Variants in MALT1 observed in about 807,000 individuals in gnomAD.
MALT1 encodes mucosa-associated lymphoid tissue lymphoma translocation protein 1.
In MALT1, 36 loss-of-function variants were observed where a neutral mutation model predicts 85.5. The ratio of observed to expected loss-of-function variants is 0.42; its 90% CI spans 0.32 to 0.56. MALT1 has a LOEUF of 0.56. Among genes scored for constraint, MALT1 ranks in the 20% least tolerant of loss-of-function variants. The pLI, the probability that MALT1 is intolerant of heterozygous loss-of-function variation, is 0.10. For missense variants in MALT1, 716 were observed against 981.6 expected, an observed-to-expected ratio of 0.73 and a Z score of 3.62; for synonymous variants, 359 against 361.3, an observed-to-expected ratio of 0.99 and a Z score of 0.07.
At chr18:58,706,033 T>C (rs375098185) in intron 4 of MALT1, among the ~76,000 whole-genome samples, 4 of 152,332 alleles carry the variant, frequency 2.6e-5, no homozygotes, top group African/African-American at 9.6e-5. Context: ...TCGCCCAGGC[T>C]GGAGTGCAGT....
intron 10 of MALT1, among the ~76,000 whole-genome samples, chr18:58,727,796 C>CT (rs1465717899): frequency 3.9e-5 from 6 of 152,152 alleles, no homozygotes; most frequent in Admixed American, 3.9e-4. Flanking sequence ...CGAGGCTGGC[C>CT]TGCATCTGTA....
At chr18:58,708,212 G>A (rs1359021063) in intron 4 of MALT1, among the ~76,000 whole-genome samples, 1 of 152,196 alleles carries the variant, frequency 6.6e-6, no homozygotes, top group East Asian at 1.9e-4. Flanking sequence ...TGATCTTTTA[G>A]CTCTCCTCTC....
Position 58,752,878 on chromosome 18 carries a change from T to A in MALT1, c.*5036T>A, listed in dbSNP as rs1157926642. ...TGTGCATATTCTCTTTTTTTCTAAT[T>A]TGGTAGCATTAAAAATACTTAAGCA... On this transcript the variant is annotated 3_prime_UTR_variant, in exon 17 of 17. Coordinates refer to ENST00000649217, the MANE Select transcript of MALT1 (RefSeq NM_006785.4). 6.6e-6 allele frequency: 1 copy of A among 152,212 alleles called. No homozygotes were observed. Among genetic ancestry groups the A allele is most frequent in the Non-Finnish European group, 1.5e-5 (1 of 68,042 alleles). The allele number at this position is 152,212 out of a possible 1,614,324, so 9.4% of individuals were successfully genotyped here. A position where few individuals can be genotyped will look rare whatever the true frequency, so the allele number is the denominator to read the frequency against.
rs2055435233 is a variant in MALT1 at position 58,750,716 on chromosome 18, A to G, written c.*2874A>G. On this transcript the variant is annotated 3_prime_UTR_variant, in exon 17 of 17. Transcript: ENST00000649217. ...AAAAGGATCCCTACCTTCCTACCAC[A>G]TTACAAATTCTAACTCAAAATGGAT... 6.6e-6 allele frequency: 1 copy of G among 152,240 alleles called. No homozygotes were observed. Among genetic ancestry groups the G allele is most frequent in the Non-Finnish European group, 1.5e-5 (1 of 68,044 alleles). 9.4% of individuals were successfully genotyped at this position (152,240 alleles called of 1,614,324 possible). A position where few individuals can be genotyped will look rare whatever the true frequency, so the allele number is the denominator to read the frequency against.
Position 58,671,640 on chromosome 18 carries a change from G to C in MALT1, c.-4G>C. The C allele has an allele frequency of 5.8e-6, 7 of 1,215,448 alleles. No individual in the cohort carries two copies. Among genetic ancestry groups the C allele is most frequent in the Non-Finnish European group, 7.2e-6 (7 of 977,380 alleles). 75.3% of individuals were successfully genotyped at this position (1,215,448 alleles called of 1,614,324 possible). A position where few individuals can be genotyped will look rare whatever the true frequency, so the allele number is the denominator to read the frequency against. On this transcript the variant is annotated 5_prime_UTR_variant, in exon 1 of 17. Transcript: ENST00000649217. ...CCGGCAGTCCGGGGTCGCCGGCGAG[G>C]GCCATGTCGCTGTTGGGGGACCCGC...
At chr18:58,743,756 C>G (rs974166419) in intron 14 of MALT1, among the ~76,000 whole-genome samples, 1 of 152,124 alleles carries the variant, frequency 6.6e-6, no homozygotes, top group Non-Finnish European at 1.5e-5. Context: ...TGGTATCTTT[C>G]TGCTTTTTAA....
chr18:58,691,373 C>T, intron 2 of MALT1: 1 of 788,450 alleles, frequency 1.3e-6, no homozygotes, highest in African/African-American at 1.8e-5. Flanking sequence ...TGGCTCAGGC[C>T]CAGCTCCTCT....
In MALT1 at chr18:58,696,371, A is replaced by G; in HGVS notation, c.382A>G (p.Lys128Glu). 1 of 1,431,598 alleles carries G rather than the reference A, an allele frequency of 7.0e-7. No individual in the cohort carries two copies. 88.7% of individuals were successfully genotyped at this position (1,431,598 alleles called of 1,614,324 possible). The change falls in exon 3 of 17, where the codon AAG (lysine) becomes GAG (glutamate). Residue 128 changes from lysine (K) to glutamate (E), a missense_variant. By Grantham distance (56) the Lys-to-Glu change is moderately conservative. Around this residue, in one of 4 missense-constraint regions of MALT1, gnomAD observed 290 missense variants for 380.5 expected, o/e 0.76. Coordinates refer to ENST00000649217, the MANE Select transcript of MALT1 (RefSeq NM_006785.4). ...VLQLLSPPGI[K>E]ITVNPESKAV... ...TTTTTTTTTTTTTTTTTTAGGAATA[A>G]AGATTACTGTAAACCCAGAGTCAAA... is the stretch of plus-strand genomic sequence containing the variant.
intron 10 of MALT1, among the ~76,000 whole-genome samples, chr18:58,727,715 C>T (rs575952616): frequency 2.7e-5 from 4 of 146,822 alleles, no homozygotes; most frequent in East Asian, 2.1e-4. Flanking sequence ...TGACATTTTA[C>T]GTTGTCTGAG....
chr18:58,704,681 C>T (rs1047152914), intron 4 of MALT1, among the ~76,000 whole-genome samples: 10 of 152,162 alleles, frequency 6.6e-5, no homozygotes, highest in East Asian at 1.9e-4. Flanking sequence ...TGGTCTCAAG[C>T]GATCCGCCCA....
chr18:58,696,177 C>T (rs2054584405), intron 2 of MALT1, among the ~76,000 whole-genome samples, 189 bp from the exon 3 acceptor site: 1 of 152,148 alleles, frequency 6.6e-6, no homozygotes, highest in East Asian at 1.9e-4. Context: ...AGTTTCTTTC[C>T]TCTGATTTTA....
chr18:58,710,157 T>G (rs1602310866), intron 6 of MALT1, 85 bp downstream of exon 6: 5 of 760,632 alleles, frequency 6.6e-6, no homozygotes, highest in East Asian at 5.1e-5. Context: ...CAAAGGAAAT[T>G]ATACTTTTTA....
At chr18:58,722,338 G>A (rs1217518285) in intron 9 of MALT1, among the ~76,000 whole-genome samples, 1 of 152,106 alleles carries the variant, frequency 6.6e-6, no homozygotes, top group Non-Finnish European at 1.5e-5. Flanking sequence ...CAAAAAAACT[G>A]TTTCTATCAG....
rs1030211604 is a variant in MALT1 at position 58,749,895 on chromosome 18, T to G, written c.*2053T>G. 1.4e-5 allele frequency: 3 copies of G among 211,268 alleles called. No homozygotes were observed. Among genetic ancestry groups the G allele is most frequent in the African/African-American group, 6.8e-5 (3 of 44,144 alleles). 13.1% of individuals were successfully genotyped at this position (211,268 alleles called of 1,614,324 possible). Reference sequence around the variant, plus strand: ...AGGCTGAATGTTTTCCCCTTAAGATTGGGAAGAAGGACAAGGATGTTCACT... The same window carrying G: ...AGGCTGAATGTTTTCCCCTTAAGATGGGGAAGAAGGACAAGGATGTTCACT... On this transcript the variant is annotated 3_prime_UTR_variant, in exon 17 of 17. Transcript: ENST00000649217.
intron 3 of MALT1, among the ~76,000 whole-genome samples, chr18:58,697,811 G>A (rs2054611859): frequency 6.6e-6 from 1 of 152,126 alleles, no homozygotes; most frequent in African/African-American, 2.4e-5. Context: ...CTTAACAAGT[G>A]CTTGTTGAGC....
At chr18:58,715,742 G>C (rs2054890260) in intron 8 of MALT1, among the ~76,000 whole-genome samples, 193 bp from the exon 9 acceptor site, 1 of 152,120 alleles carries the variant, frequency 6.6e-6, no homozygotes. Flanking sequence ...ATCAGGAAAT[G>C]GTAACTACTG....
chr18:58,727,565 C>T (rs1390671379), intron 10 of MALT1, among the ~76,000 whole-genome samples: 10 of 151,248 alleles, frequency 6.6e-5, no homozygotes. Context: ...CCTTGGCCTC[C>T]CAAAAGGCCA....
chr18:58,690,165 G>A (rs1479533204), intron 2 of MALT1, among the ~76,000 whole-genome samples: 1 of 152,172 alleles, frequency 6.6e-6, no homozygotes, highest in East Asian at 1.9e-4. Context: ...ATATCTCTGT[G>A]TCACACCTTG....
chr18:58,740,816 TCTG>T (rs2055291235), intron 13 of MALT1, among the ~76,000 whole-genome samples: 1 of 152,310 alleles, frequency 6.6e-6, no homozygotes, highest in Non-Finnish European at 1.5e-5. Flanking sequence ...GTTCTATATT[TCTG>T]CTGATTGTCT....
Sources: gnomAD v4.1 joint callset for allele counts (sites outside exome capture counted in the v4.1 genomes callset) on GRCh38, gnomAD v4.1.1 for gene constraint, gnomAD v4.1.1 regional missense constraint, MANE v1.5 for transcripts, NCBI Gene and HGNC (gene_info 2026-07-23, HGNC 2026-07-21) for gene names.